Variants in NRG1 observed in about 807,000 individuals in gnomAD.
NRG1 encodes the protein neuregulin 1, also known as pro-neuregulin-1, membrane-bound isoform.
NRG1 carries 18 observed loss-of-function variants against 63.8 expected under a neutral mutation model. The observed-to-expected ratio is 0.28, with a 90% CI of 0.19 to 0.42. The LOEUF is 0.42. NRG1 is among the 10% of genes least tolerant of loss of function. The pLI, the probability that NRG1 is intolerant of heterozygous loss-of-function variation, is 1.00. For missense variants in NRG1, 762 were observed against 814.7 expected (o/e 0.94, Z 0.79); for synonymous variants, 302 against 301.3 (o/e 1.00, Z -0.02).
chr8:32,519,422 G>A (rs1830126984), intron 1 of NRG1, among the ~76,000 whole-genome samples: 1 of 137,374 alleles, frequency 7.3e-6, no homozygotes, highest in Non-Finnish European at 1.7e-5. Context: ...ACGTATAACT[G>A]ATTTTTTTTT....
intron 1 of NRG1, among the ~76,000 whole-genome samples, chr8:32,356,872 A>G (rs1806505755): frequency 6.6e-6 from 1 of 152,216 alleles, no homozygotes. Context: ...CTCTTTCAAC[A>G]TCTAAGGAAA....
At chr8:32,488,852 C>T (rs1015055172) in intron 1 of NRG1, among the ~76,000 whole-genome samples, 6 of 152,140 alleles carry the variant, frequency 3.9e-5, no homozygotes, top group African/African-American at 7.2e-5. Context: ...GCACCTGGCC[C>T]ATGGCTGGGA....
At chr8:31,868,147 TACACACACA>T (rs1829143954) in intron 1 of NRG1, among the ~76,000 whole-genome samples, 2 of 32,636 alleles carry the variant, frequency 6.1e-5, no homozygotes, top group African/African-American at 1.7e-4. Flanking sequence ...ACATACATCT[TACACACACA>T]CACACACACA....
chr8:32,428,008 A>G (rs566265833), intron 1 of NRG1, among the ~76,000 whole-genome samples: 143 of 152,372 alleles, frequency 9.4e-4, no homozygotes, highest in African/African-American at 3.4e-3. Context: ...TATAACATCC[A>G]CTGAGTGTTG....
intron 1 of NRG1, among the ~76,000 whole-genome samples, chr8:32,198,095 A>G (rs1261054189): frequency 2.0e-5 from 3 of 152,240 alleles, no homozygotes; most frequent in Non-Finnish European, 4.4e-5. Context: ...AACAATGCTC[A>G]TATTTATGCC....
At chr8:31,708,667 G>A (rs1232043683) in intron 1 of NRG1, among the ~76,000 whole-genome samples, 3 of 151,718 alleles carry the variant, frequency 2.0e-5, no homozygotes, top group South Asian at 2.1e-4. Flanking sequence ...GGATGGTCTC[G>A]ATCTCCTGAC....
intron 1 of NRG1, among the ~76,000 whole-genome samples, chr8:32,245,841 A>G (rs1305410648): frequency 6.6e-6 from 1 of 152,152 alleles, no homozygotes; most frequent in East Asian, 1.9e-4. Flanking sequence ...AGGAAGCTAT[A>G]TCAAGAACTC....
At chr8:32,752,546 CT>C (rs897589453) in intron 7 of NRG1, among the ~76,000 whole-genome samples, 9 of 152,304 alleles carry the variant, frequency 5.9e-5, no homozygotes, top group African/African-American at 2.2e-4. Context: ...TGGAATGACC[CT>C]TCCAACTTTG....
At chr8:31,763,981 G>A (rs1817807976) in intron 1 of NRG1, among the ~76,000 whole-genome samples, 1 of 148,496 alleles carries the variant, frequency 6.7e-6, no homozygotes, top group Non-Finnish European at 1.5e-5. Flanking sequence ...ACTCCAGCCT[G>A]GGTGACAGAG....
chr8:31,916,785 C>T (rs1380979722), intron 1 of NRG1, among the ~76,000 whole-genome samples: 1 of 151,980 alleles, frequency 6.6e-6, no homozygotes, highest in Non-Finnish European at 1.5e-5. Context: ...GCCACACTGA[C>T]TTCCACAATG....
intron 1 of NRG1, among the ~76,000 whole-genome samples, chr8:31,693,676 G>T (rs945632072): frequency 5.9e-5 from 9 of 152,166 alleles, no homozygotes; most frequent in Non-Finnish European, 4.4e-5. Context: ...CTAGGTTCTG[G>T]TTCCTCTTGT....
intron 1 of NRG1, among the ~76,000 whole-genome samples, chr8:32,238,507 C>T (rs531670314): frequency 6.6e-6 from 1 of 151,752 alleles, no homozygotes; most frequent in South Asian, 2.1e-4. Flanking sequence ...ATAGTGTCAC[C>T]ATATTACAGA....
intron 1 of NRG1, among the ~76,000 whole-genome samples, chr8:32,412,907 C>A (rs1815313963): frequency 6.6e-6 from 1 of 152,100 alleles, no homozygotes; most frequent in Admixed American, 6.6e-5. Context: ...CACAAAAACC[C>A]TCTGAAATAG....
chr8:31,703,045 A>G lies in NRG1; in HGVS notation c.37+63614A>G, dbSNP rs114650689. ...AGTTCAAAATTTATAAGGGAGCCCA[A>G]CAAGTGTTCCAAAAAAGGCTATTTA... is the stretch of plus-strand genomic sequence containing the variant. On this transcript the variant is annotated intron_variant, in intron 1 of 10. Coordinates refer to the NRG1 transcript ENST00000519301. Among the ~76,000 whole-genome samples, 969 of 149,834 alleles carry G rather than the reference A, an allele frequency of 6.5e-3. 6 individuals are homozygous for G. The highest frequency in any genetic ancestry group is 0.021 in the African/African-American group (867 of 40,504).
At position 32,263,545 on chromosome 8, in the gene NRG1, G is replaced by T. The variant is rs1850608438; in HGVS notation, c.38-332283G>T. On this transcript the variant is annotated intron_variant, in intron 1 of 10. Coordinates refer to the NRG1 transcript ENST00000519301. ...CCTTCTGTCTTGCTACGTTTGCTTT[G>T]TCTTCTTCCTCGATAGTTTCCCAAA... is the stretch of plus-strand genomic sequence containing the variant. Among the ~76,000 whole-genome samples the T allele has an allele frequency of 2.0e-5, 3 of 152,202 alleles. No individual in the cohort carries two copies. The South Asian group carries it at 6.2e-4, about 32-fold the overall frequency.
intron 1 of NRG1, among the ~76,000 whole-genome samples, chr8:31,878,358 A>G (rs1193202086): frequency 6.6e-6 from 1 of 152,198 alleles, no homozygotes; most frequent in Non-Finnish European, 1.5e-5. Flanking sequence ...CAAATCATAG[A>G]TGATGTAACT....
intron 1 of NRG1, among the ~76,000 whole-genome samples, chr8:32,038,026 A>G (rs1819351053): frequency 1.3e-5 from 2 of 152,194 alleles, no homozygotes; most frequent in Admixed American, 6.5e-5. Context: ...GAGCTAGAGT[A>G]TGCAAAAACT....
rs556133066 is a variant in NRG1 at position 32,312,019 on chromosome 8, G to A, written c.38-283809G>A. 2.0e-5 allele frequency among the ~76,000 whole-genome samples: 3 copies of A among 152,244 alleles called. No homozygotes were observed. In the South Asian group the frequency reaches 6.2e-4, roughly 32 times the overall value. On this transcript the variant is annotated intron_variant, in intron 1 of 10. Transcript: ENST00000519301. Reference sequence around the variant, plus strand: ...ACCTGTTTACACTGAGATGTGTTGAGGAACTGTCCCACGGCAAGACCACAA... The same window carrying A: ...ACCTGTTTACACTGAGATGTGTTGAAGAACTGTCCCACGGCAAGACCACAA...
At chr8:32,113,198 A>G (rs1832262691) in intron 1 of NRG1, among the ~76,000 whole-genome samples, 1 of 152,084 alleles carries the variant, frequency 6.6e-6, no homozygotes, top group South Asian at 2.1e-4. Context: ...TGAAAATGGC[A>G]TTTGCACTGG....
Sources: gnomAD v4.1 joint callset for allele counts (sites outside exome capture counted in the v4.1 genomes callset) on GRCh38, gnomAD v4.1.1 for gene constraint, MANE v1.5 for transcripts, NCBI Gene and HGNC (gene_info 2026-07-23, HGNC 2026-07-21) for gene names.